Variants in NRG2 observed in about 807,000 individuals in gnomAD.
NRG2 encodes the protein neuregulin 2.
A neutral mutation model predicts 73.9 loss-of-function variants in NRG2; 27 were observed. The observed-to-expected ratio is 0.37, with a 90% CI of 0.27 to 0.50. The LOEUF is 0.50. NRG2 is among the 20% of genes least tolerant of loss of function. The pLI is 0.96. For missense variants in NRG2, 1,126 were observed against 1,210.1 expected, an observed-to-expected ratio of 0.93 and a Z score of 1.03; for synonymous variants, 532 against 541.0, an observed-to-expected ratio of 0.98 and a Z score of 0.23.
intron 1 of NRG2, among the ~76,000 whole-genome samples, chr5:139,998,250 G>C (rs892262): frequency 5.3e-5 from 8 of 152,184 alleles, no homozygotes; most frequent in Non-Finnish European, 1.2e-4. Flanking sequence ...ACTCTGGAAA[G>C]ATGAAAGACC....
At chr5:139,914,708 T>C (rs1751119222) in intron 1 of NRG2, among the ~76,000 whole-genome samples, 1 of 152,250 alleles carries the variant, frequency 6.6e-6, no homozygotes, top group Admixed American at 6.5e-5. Flanking sequence ...CATTTCTGCA[T>C]ATTTAAGCTG....
chr5:140,006,659 T>C (rs2126634983), intron 1 of NRG2, among the ~76,000 whole-genome samples: 1 of 152,344 alleles, frequency 6.6e-6, no homozygotes, highest in East Asian at 1.9e-4. Context: ...GATATGATCC[T>C]GATTTGGTGT....
Position 139,869,946 on chromosome 5 carries a change from A to G in NRG2, c.1112+1775T>C, listed in dbSNP as rs1762727521. On this transcript the variant is annotated intron_variant, in intron 4 of 9. Transcript: ENST00000361474. The surrounding 1 kb of genome is among the most constrained non-coding windows in gnomAD (Gnocchi z 4.5). ...GCCCTGGCACCTGTCCTGAGGGGCCAGAACCTTCCCTGCCCGGACGAGGGC... is the reference window on the plus strand; with the variant it reads ...GCCCTGGCACCTGTCCTGAGGGGCCGGAACCTTCCCTGCCCGGACGAGGGC... Among the ~76,000 whole-genome samples, 4 of 152,172 alleles carry G rather than the reference A, an allele frequency of 2.6e-5. No homozygotes were observed. Among genetic ancestry groups the G allele is most frequent in the Admixed American group, 2.6e-4 (4 of 15,288 alleles).
At chr5:139,964,098 C>G (rs979583150) in intron 1 of NRG2, among the ~76,000 whole-genome samples, 4 of 152,200 alleles carry the variant, frequency 2.6e-5, no homozygotes, top group African/African-American at 7.2e-5. Context: ...GCCTGGCCCC[C>G]AAATTTGGCA....
chr5:139,858,641 C>T (rs1761955290), intron 5 of NRG2, among the ~76,000 whole-genome samples: 3 of 152,188 alleles, frequency 2.0e-5, no homozygotes, highest in Admixed American at 6.5e-5. Context: ...CACTCACACT[C>T]ATCTCCACGC....
At chr5:139,876,647 A>G (rs1250354649) in intron 3 of NRG2, among the ~76,000 whole-genome samples, 1 of 152,094 alleles carries the variant, frequency 6.6e-6, no homozygotes, top group Non-Finnish European at 1.5e-5. Context: ...ACTGCCCACA[A>G]GTGCAGCTGC....
rs889022 is a variant in NRG2, at chr5:139,880,843, T to C, written c.991+13A>G. 0.2 allele frequency: 316,638 copies of C among 1,609,466 alleles called. 35,128 individuals carry two copies. Among genetic ancestry groups the C allele is most frequent in the African/African-American group, 0.44 (32,608 of 74,898 alleles). Reference sequence around the variant, plus strand: ...CCCCTCTAGGACCCTTCCCTCTGTCTGGGCCCACCTACCGCTGTTGACGTA... The same window carrying C: ...CCCCTCTAGGACCCTTCCCTCTGTCCGGGCCCACCTACCGCTGTTGACGTA... On this transcript the variant is annotated intron_variant, in intron 3 of 9. Transcript: ENST00000361474.
chr5:139,983,726 C>T (rs999669906), intron 1 of NRG2, among the ~76,000 whole-genome samples: 3 of 152,156 alleles, frequency 2.0e-5, no homozygotes, highest in Admixed American at 6.5e-5. Flanking sequence ...TACAGAAGTC[C>T]GAGAAATAAT....
At chr5:139,950,803 A>G (rs1294324435) in intron 1 of NRG2, among the ~76,000 whole-genome samples, 1 of 152,194 alleles carries the variant, frequency 6.6e-6, no homozygotes, top group Non-Finnish European at 1.5e-5. Flanking sequence ...TTTCCCACAA[A>G]CAAAGATCCA....
chr5:139,955,413 G>A (rs1451377818), intron 1 of NRG2, among the ~76,000 whole-genome samples: 1 of 152,140 alleles, frequency 6.6e-6, no homozygotes, highest in Non-Finnish European at 1.5e-5. Context: ...AGCTCAGGAA[G>A]GTTAAGAATG....
At chr5:139,976,533 G>A (rs1454684904) in intron 1 of NRG2, among the ~76,000 whole-genome samples, 4 of 152,200 alleles carry the variant, frequency 2.6e-5, no homozygotes, top group Non-Finnish European at 5.9e-5. Flanking sequence ...ATGACTCACT[G>A]GGCTTGGGGG....
Position 139,869,157 on chromosome 5 carries a change from T to A in NRG2, c.1112+2564A>T, listed in dbSNP as rs1762679522. ...AAAATTCAGTATCAGTGACACTGTT[T>A]CTTTTGGCACTGAATTCCAGAAAAA... On this transcript the variant is annotated intron_variant, in intron 4 of 9. Transcript: ENST00000361474. This position sits in a 1 kb window ranked among gnomAD's most constrained non-coding sequence, Gnocchi z 4.5. Among the ~76,000 whole-genome samples, 1 of 152,044 alleles carries A rather than the reference T, an allele frequency of 6.6e-6. No individual in the cohort carries two copies. The highest frequency in any genetic ancestry group is 1.5e-5 in the Non-Finnish European group (1 of 68,004).
intron 1 of NRG2, among the ~76,000 whole-genome samples, chr5:139,907,137 G>A (rs1580709085): frequency 1.3e-5 from 2 of 152,086 alleles, no homozygotes; most frequent in Admixed American, 6.6e-5. Context: ...TGGGGTTTGT[G>A]GGAGGTCTGT....
At chr5:140,012,546 T>C (rs991816219) in intron 1 of NRG2, among the ~76,000 whole-genome samples, 3 of 152,230 alleles carry the variant, frequency 2.0e-5, no homozygotes, top group African/African-American at 7.2e-5. Context: ...TGCTCATTCA[T>C]ACTTGAGAGT....
chr5:139,907,139 G>A (rs141105762), intron 1 of NRG2, among the ~76,000 whole-genome samples: 17 of 152,270 alleles, frequency 1.1e-4, no homozygotes, highest in Middle Eastern at 3.4e-3. Flanking sequence ...GGGTTTGTGG[G>A]AGGTCTGTGG....
rs1186274795 is a variant in NRG2, at chr5:139,852,729, C to A, written c.1417-170G>T. ...ATGGCTCCAGCAAATCAACCCCCACCCCTTCCTCATGGAAGTGAGCAAACC... is the reference window on the plus strand; with the variant it reads ...ATGGCTCCAGCAAATCAACCCCCACACCTTCCTCATGGAAGTGAGCAAACC... On this transcript the variant is annotated intron_variant, in intron 7 of 9. Transcript: ENST00000361474. The surrounding 1 kb of genome is among the most constrained non-coding windows in gnomAD (Gnocchi z 4.4). Among the ~76,000 whole-genome samples, 2 of 152,178 alleles carry A rather than the reference C, an allele frequency of 1.3e-5. No homozygotes were observed. Among genetic ancestry groups the A allele is most frequent in the Non-Finnish European group, 2.9e-5 (2 of 68,032 alleles).
chr5:140,042,796 C>A lies in NRG2; in HGVS notation c.274G>T (p.Gly92Cys). 6.6e-7 allele frequency: 1 copy of A among 1,508,324 alleles called. No homozygotes were observed. The allele number at this position is 1,508,324 out of a possible 1,614,324, so 93.4% of individuals were successfully genotyped here. ...CCGGGGGCCGGGTCGCGCCTCATGC[C>A]GCCGGCGGCTGCGGCTCGCGAACGG... ...AARSRAAAAG[G>C]MRRDPAPGFS... The change falls in exon 1 of 10, where the codon GGC becomes TGC. Residue 92 changes from glycine (G) to cysteine (C), a missense_variant. By Grantham distance (159) the Gly-to-Cys change is radical. Coordinates refer to ENST00000361474, the MANE Select transcript of NRG2 (RefSeq NM_004883.3).
At chr5:139,950,441 G>T (rs1157056268) in intron 1 of NRG2, among the ~76,000 whole-genome samples, 1 of 152,152 alleles carries the variant, frequency 6.6e-6, no homozygotes, top group African/African-American at 2.4e-5. Context: ...GAGAGCTAAG[G>T]TCTCCCCTTT....
intron 1 of NRG2, among the ~76,000 whole-genome samples, chr5:139,900,141 C>A (rs1764782509): frequency 6.6e-6 from 1 of 152,064 alleles, no homozygotes; most frequent in Non-Finnish European, 1.5e-5. Flanking sequence ...ATGTCATCTC[C>A]TCTGTGAAGT....
Sources: gnomAD v4.1 joint callset for allele counts (sites outside exome capture counted in the v4.1 genomes callset) on GRCh38, gnomAD v4.1.1 for gene constraint, Gnocchi (gnomAD v3.1) non-coding constraint, MANE v1.5 for transcripts, NCBI Gene and HGNC (gene_info 2026-07-23, HGNC 2026-07-21) for gene names.